The following CGNL1 variants were observed in gnomAD, a reference collection of about 807,000 sequenced individuals.
CGNL1 encodes cingulin like 1.
A neutral mutation model predicts 141.2 loss-of-function variants in CGNL1; 132 were observed. The observed-to-expected ratio is 0.93, with a 90% CI of 0.81 to 1.08. The LOEUF (loss-of-function observed/expected upper bound fraction) is 1.08. CGNL1 is among the 50% of genes least tolerant of loss of function. The pLI is 0.00. For missense variants in CGNL1, 1,870 were observed against 1,588.6 expected, an observed-to-expected ratio of 1.18 and a Z score of -3.01; for synonymous variants, 690 against 622.1, an observed-to-expected ratio of 1.11 and a Z score of -1.63.
At chr15:57,529,049 T>G in intron 13 of CGNL1, 1 of 416,392 alleles carries the variant, frequency 2.4e-6, no homozygotes, top group Middle Eastern at 6.6e-4. Context: ...AACATTCTCA[T>G]TGTCTTGAGA....
chr15:57,508,724 C>G (rs1366543794), intron 8 of CGNL1, among the ~76,000 whole-genome samples: 2 of 152,196 alleles, frequency 1.3e-5, no homozygotes, highest in African/African-American at 4.8e-5. Flanking sequence ...GCCCTGAGAG[C>G]TGAGAAGGGT....
Position 57,547,624 on chromosome 15 carries a change from C to G in CGNL1, c.*134C>G. Reference sequence around the variant, plus strand: ...CTCTTTGCACAGCATGCCAGCTCCTCAGTGTTACATTCCTCGCCAGGGTCT... The same window carrying G: ...CTCTTTGCACAGCATGCCAGCTCCTGAGTGTTACATTCCTCGCCAGGGTCT... On this transcript the variant is annotated 3_prime_UTR_variant, in exon 19 of 19. Transcript: ENST00000281282. 9.7e-7 allele frequency: 1 copy of G among 1,027,774 alleles called. No homozygotes were observed. The highest frequency in any genetic ancestry group is 1.4e-6 in the Non-Finnish European group (1 of 707,632). The allele number at this position is 1,027,774 out of a possible 1,614,324, so 63.7% of individuals were successfully genotyped here. A position where few individuals can be genotyped will look rare whatever the true frequency, so the allele number is the denominator to read the frequency against.
At chr15:57,464,302 AT>A (rs1429621441) in intron 8 of CGNL1, among the ~76,000 whole-genome samples, 1 of 151,664 alleles carries the variant, frequency 6.6e-6, no homozygotes, top group African/African-American at 2.4e-5. Flanking sequence ...TAGATCTTTC[AT>A]TTTTTTCAAG....
At chr15:57,382,500 C>A (rs1292979913) in intron 1 of CGNL1, among the ~76,000 whole-genome samples, 1 of 152,180 alleles carries the variant, frequency 6.6e-6, no homozygotes, top group African/African-American at 2.4e-5. Flanking sequence ...TGGTAGAGTA[C>A]GTAATCGTTC....
At chr15:57,397,711 T>A (rs537780226) in intron 1 of CGNL1, among the ~76,000 whole-genome samples, 2 of 152,254 alleles carry the variant, frequency 1.3e-5, no homozygotes, top group East Asian at 3.9e-4. Flanking sequence ...CCTTTTTTCT[T>A]GATTATGTAG....
At chr15:57,396,277 G>GTTTTTTTTTTTTTTTTTTT (rs57154500) in intron 1 of CGNL1, among the ~76,000 whole-genome samples, 5 of 129,222 alleles carry the variant, frequency 3.9e-5, no homozygotes, top group African/African-American at 1.5e-4. Flanking sequence ...TTCTTTCTTT[G>GTTTTTTTTTTTTTTTTTTT]TTTTTTTTTT....
intron 8 of CGNL1, among the ~76,000 whole-genome samples, chr15:57,502,142 G>C (rs1250423521): frequency 1.3e-5 from 2 of 152,204 alleles, no homozygotes; most frequent in Non-Finnish European, 2.9e-5. Flanking sequence ...AGTGAGGAAG[G>C]ACCTTGGACA....
At chr15:57,454,441 C>T (rs1376323398) in intron 7 of CGNL1, among the ~76,000 whole-genome samples, 2 of 152,198 alleles carry the variant, frequency 1.3e-5, no homozygotes, top group African/African-American at 2.4e-5. Flanking sequence ...GTCCCTGGAA[C>T]ACTCTTTAAG....
intron 1 of CGNL1, among the ~76,000 whole-genome samples, chr15:57,426,447 A>AT (rs34527096): frequency 0.11 from 15,703 of 139,818 alleles, 890 homozygotes; most frequent in Middle Eastern, 0.23. Context: ...ACCAGGCCAC[A>AT]TTTTTTTTTT....
rs181367826 is a variant in CGNL1, at chr15:57,504,923, C to A, written c.2404-11857C>A. Among the ~76,000 whole-genome samples the A allele has an allele frequency of 2.0e-5, 3 of 152,294 alleles. No homozygotes were observed. The East Asian group carries it at 5.8e-4, about 29-fold the overall frequency. ...TTTGGTCAGCACCCCAAGATGGTTCCTTTTTAAAACAGATGAGGGCTGGCC... is the reference window on the plus strand; with the variant it reads ...TTTGGTCAGCACCCCAAGATGGTTCATTTTTAAAACAGATGAGGGCTGGCC... On this transcript the variant is annotated intron_variant, in intron 8 of 18. Transcript: ENST00000281282.
chr15:57,519,063 A>T (rs1000656042), intron 10 of CGNL1, among the ~76,000 whole-genome samples: 1 of 152,314 alleles, frequency 6.6e-6, no homozygotes, highest in Non-Finnish European at 1.5e-5. Flanking sequence ...TTGAAACTGG[A>T]TAGCTATCGC....
At chr15:57,545,449 G>T (rs8034775) in intron 16 of CGNL1, 143 bp from the exon 17 acceptor site, 4 of 633,768 alleles carry the variant, frequency 6.3e-6, no homozygotes, top group Non-Finnish European at 1.1e-5. Flanking sequence ...AGCTTTTTCT[G>T]CTGTGAAGTT....
At position 57,437,196 on chromosome 15, in the gene CGNL1, C is replaced by T. The variant is rs1394497486; in HGVS notation, c.-15-789C>T. 2.6e-5 allele frequency among the ~76,000 whole-genome samples: 4 copies of T among 152,174 alleles called. No individual in the cohort carries two copies. The East Asian group carries it at 5.8e-4, about 22-fold the overall frequency. ...CACCAGAAAGGCAACGGCAACTATT[C>T]TTGGCATCAGGACCCATCACAAAAC... is the stretch of plus-strand genomic sequence containing the variant. On this transcript the variant is annotated intron_variant, in intron 1 of 18. Transcript: ENST00000281282.
chr15:57,480,519 CAAAAAAAG>C (rs1478997753), intron 8 of CGNL1, among the ~76,000 whole-genome samples: 18 of 150,420 alleles, frequency 1.2e-4, no homozygotes, highest in Non-Finnish European at 2.4e-4. Context: ...GACTCTGTCT[CAAAAAAAG>C]AAAAAAAGAA....
At chr15:57,397,129 G>C (rs1008801265) in intron 1 of CGNL1, 4 of 152,234 alleles carry the variant, frequency 2.6e-5, no homozygotes, top group Non-Finnish European at 5.9e-5. Flanking sequence ...CTGAGGCTGG[G>C]GGGGATGAAA....
At chr15:57,539,192 T>G (rs1370412179) in intron 14 of CGNL1, among the ~76,000 whole-genome samples, 2 of 152,204 alleles carry the variant, frequency 1.3e-5, no homozygotes, top group Non-Finnish European at 2.9e-5. Context: ...TAGATTTCTT[T>G]GTCTCTCTAC....
chr15:57,407,135 A>C (rs572304475), intron 1 of CGNL1: 1 of 152,362 alleles, frequency 6.6e-6, no homozygotes, highest in African/African-American at 2.4e-5. Flanking sequence ...TGTATACATG[A>C]AGAATTTCAA....
At chr15:57,437,226 A>G (rs1188245384) in intron 1 of CGNL1, among the ~76,000 whole-genome samples, 1 of 152,200 alleles carries the variant, frequency 6.6e-6, no homozygotes, top group Non-Finnish European at 1.5e-5. Context: ...CAAAACACAG[A>G]GCCCTGAGTG....
chr15:57,451,514 A>T lies in CGNL1; in HGVS notation c.1818A>T (p.Thr606=). 2 of 1,610,688 alleles carry T rather than the reference A, an allele frequency of 1.2e-6. No homozygotes were observed. Among genetic ancestry groups the T allele is most frequent in the Non-Finnish European group, 1.7e-6 (2 of 1,178,190 alleles). The change falls in exon 5 of 19, where the codon ACA becomes ACT. Residue 606 remains threonine (T), a synonymous_variant. Coordinates refer to ENST00000281282, the MANE Select transcript of CGNL1 (RefSeq NM_032866.5). The part of the protein sequence containing the change: ...AQGNNQACNS[T]SEVKDLLEQK... ...ATTAATTATAGGCTTGTAATTCCAC[A>T]TCTGAAGTCAAAGATCTATTGGAAC...
Sources: allele counts gnomAD v4.1 joint callset (sites outside exome capture counted in the v4.1 genomes callset), GRCh38; gene constraint gnomAD v4.1.1; transcripts MANE v1.5; gene names NCBI Gene and HGNC (gene_info 2026-07-23, HGNC 2026-07-21).